Variants in EXOC4 observed in about 807,000 individuals in gnomAD.
EXOC4 encodes the protein SEC8-like 1.
EXOC4 carries 71 observed loss-of-function variants against 107.2 expected under a neutral mutation model. The ratio of observed to expected loss-of-function variants is 0.66; its 90% CI spans 0.55 to 0.81. The LOEUF is 0.81. EXOC4 is among the 30% of genes least tolerant of loss of function. The pLI, the probability that EXOC4 is intolerant of heterozygous loss-of-function variation, is 0.00. For synonymous variants in EXOC4, 456 were observed against 441.2 expected, an observed-to-expected ratio of 1.03 and a Z score of -0.42; for missense variants, 1,108 against 1,189.6, an observed-to-expected ratio of 0.93 and a Z score of 1.01.
chr7:133,862,326 A>C (rs1020825073), intron 11 of EXOC4, among the ~76,000 whole-genome samples: 13 of 151,948 alleles, frequency 8.6e-5, no homozygotes, highest in African/African-American at 3.1e-4. Flanking sequence ...ATCTCTACTA[A>C]AAATACAAAA....
chr7:133,640,497 ACTT>A (rs1302950866), intron 10 of EXOC4, among the ~76,000 whole-genome samples: 3 of 152,192 alleles, frequency 2.0e-5, no homozygotes, highest in Non-Finnish European at 2.9e-5. Flanking sequence ...CACAATTTAA[ACTT>A]CTTCTAAACA....
chr7:134,064,905 T>C lies in EXOC4; in HGVS notation c.*377T>C, dbSNP rs1796149638. The stretch of plus-strand genomic sequence containing the variant: ...GGAAAGTAGGCTGCTACCTAACTTT[T>C]AGTCCCTTCCAAAACCATTTAGTAG... On this transcript the variant is annotated 3_prime_UTR_variant, in exon 18 of 18. Coordinates refer to ENST00000253861, the MANE Select transcript of EXOC4 (RefSeq NM_021807.4). The C allele has an allele frequency of 6.5e-6, 1 of 154,754 alleles. No homozygotes were observed. The highest frequency in any genetic ancestry group is 2.4e-5 in the African/African-American group (1 of 41,510). 9.6% of individuals were successfully genotyped at this position (154,754 alleles called of 1,614,324 possible).
intron 5 of EXOC4, among the ~76,000 whole-genome samples, chr7:133,337,729 G>C (rs1393289473): frequency 1.4e-5 from 2 of 144,398 alleles, no homozygotes; most frequent in African/African-American, 2.6e-5. Context: ...AACCTTCCAG[G>C]CTTAGTTGAT....
intron 10 of EXOC4, among the ~76,000 whole-genome samples, chr7:133,762,074 G>A (rs1259360078): frequency 5.9e-5 from 9 of 152,154 alleles, no homozygotes; most frequent in Admixed American, 5.9e-4. Flanking sequence ...TGGGTACTTG[G>A]TTATAGGAGG....
intron 2 of EXOC4, among the ~76,000 whole-genome samples, chr7:133,280,362 T>C (rs1394830102): frequency 6.6e-6 from 1 of 152,190 alleles, no homozygotes; most frequent in Non-Finnish European, 1.5e-5. Context: ...GGGCTTATTG[T>C]AGCAGCAGCA....
rs146469408 is a variant in EXOC4 at position 133,374,880 on chromosome 7, G to T, written c.1060G>T (p.Ala354Ser). ...GTTTGACAAGTTTAATGCTGTAGCC[G>T]CTGCACACTCTGTGGTCCTGGGATA... ...LLFDKFNAVA[A>S]AHSVVLGYLQ... Residue 354 changes from alanine (A) to serine (S), a missense_variant, in exon 7 of 18, where the codon GCT becomes TCT. Ala to Ser is a moderately conservative substitution (Grantham distance 99). Transcript: ENST00000253861. The T allele has an allele frequency of 2.5e-6, 4 of 1,613,770 alleles. No homozygotes were observed. The African/African-American group carries it at 4.0e-5, about 16-fold the overall frequency.
chr7:133,636,553 G>A (rs761214254), intron 10 of EXOC4, among the ~76,000 whole-genome samples: 1 of 152,206 alleles, frequency 6.6e-6, no homozygotes, highest in South Asian at 2.1e-4. Context: ...GTTTCTTACA[G>A]GAGAACCAAA....
chr7:133,665,830 T>C (rs981874353), intron 10 of EXOC4, among the ~76,000 whole-genome samples: 2 of 152,148 alleles, frequency 1.3e-5, no homozygotes, highest in African/African-American at 4.8e-5. Flanking sequence ...AGAACCTTCA[T>C]TTTTGTTTTG....
At chr7:133,874,704 T>C (rs891224679) in intron 11 of EXOC4, among the ~76,000 whole-genome samples, 1 of 152,234 alleles carries the variant, frequency 6.6e-6, no homozygotes, top group Non-Finnish European at 1.5e-5. Context: ...AGCCTGCACA[T>C]AGCGGAACAA....
At chr7:133,497,161 T>G (rs1232636565) in intron 9 of EXOC4, among the ~76,000 whole-genome samples, 2 of 152,308 alleles carry the variant, frequency 1.3e-5, no homozygotes, top group East Asian at 3.9e-4. Flanking sequence ...TAGATAAGAT[T>G]GTGACCTTGC....
chr7:133,255,366 A>G (rs1289054581), intron 1 of EXOC4, among the ~76,000 whole-genome samples: 1 of 152,050 alleles, frequency 6.6e-6, no homozygotes, highest in Non-Finnish European at 1.5e-5. Flanking sequence ...TGGTAGATAC[A>G]GGGTTTCACC....
At chr7:133,716,410 G>A (rs754761112) in intron 10 of EXOC4, among the ~76,000 whole-genome samples, 3 of 152,196 alleles carry the variant, frequency 2.0e-5, no homozygotes, top group Non-Finnish European at 2.9e-5. Context: ...TTAGAAAAAT[G>A]TAAGAGCAAA....
chr7:133,813,726 A>C (rs1284628295), intron 10 of EXOC4, among the ~76,000 whole-genome samples: 1 of 152,044 alleles, frequency 6.6e-6, no homozygotes, highest in African/African-American at 2.4e-5. Context: ...TTTTTCTTTC[A>C]CATTGATAAC....
At chr7:133,490,948 TG>T (rs967770443) in intron 9 of EXOC4, among the ~76,000 whole-genome samples, 3 of 152,226 alleles carry the variant, frequency 2.0e-5, no homozygotes, top group Non-Finnish European at 2.9e-5. Flanking sequence ...TAGCTGAGGC[TG>T]GAAATATTGG....
intron 10 of EXOC4, among the ~76,000 whole-genome samples, chr7:133,751,371 G>A (rs1795790277): frequency 6.6e-6 from 1 of 152,080 alleles, no homozygotes; most frequent in Admixed American, 6.5e-5. Flanking sequence ...TTTGGGGCTG[G>A]GAAGGGTTAG....
intron 13 of EXOC4, chr7:133,930,528 G>T (rs938439003): frequency 6.6e-6 from 1 of 152,016 alleles, no homozygotes. Context: ...AGTTTTCATG[G>T]AATTTTTTCA....
At chr7:133,739,030 A>G (rs1795505730) in intron 10 of EXOC4, among the ~76,000 whole-genome samples, 1 of 152,212 alleles carries the variant, frequency 6.6e-6, no homozygotes, top group African/African-American at 2.4e-5. Flanking sequence ...TAGCTATAAA[A>G]TGTAATATAA....
At chr7:133,943,078 C>T (rs1323588461) in intron 14 of EXOC4, among the ~76,000 whole-genome samples, 4 of 152,164 alleles carry the variant, frequency 2.6e-5, no homozygotes, top group Admixed American at 6.5e-5. Context: ...CTCTGTCATA[C>T]TAGCCATGTC....
At chr7:133,582,938 G>A (rs1267613366) in intron 9 of EXOC4, among the ~76,000 whole-genome samples, 1 of 152,202 alleles carries the variant, frequency 6.6e-6, no homozygotes, top group Non-Finnish European at 1.5e-5. Flanking sequence ...AACAGTATAT[G>A]TAGAAGTTAA....
Sources: allele counts gnomAD v4.1 joint callset (sites outside exome capture counted in the v4.1 genomes callset), GRCh38; gene constraint gnomAD v4.1.1; transcripts MANE v1.5; gene names NCBI Gene and HGNC (gene_info 2026-07-23, HGNC 2026-07-21).